RBFOX1: variants seen among roughly 807,000 people sequenced by gnomAD.
The protein encoded by RBFOX1 is RNA binding fox-1 homolog 1.
A neutral mutation model predicts 57.7 loss-of-function variants in RBFOX1; 8 were observed. The observed-to-expected ratio is 0.14, with a 90% confidence interval of 0.08 to 0.25. The LOEUF (loss-of-function observed/expected upper bound fraction) is 0.25, where lower values mean the gene tolerates loss of function less well. Ranked by LOEUF, RBFOX1 falls within the 10% of genes least tolerant of loss-of-function variation. The pLI, the probability that RBFOX1 is intolerant of heterozygous loss-of-function variation, is 1.00. For synonymous variants in RBFOX1, 326 were observed against 222.4 expected (o/e 1.47, Z -4.15); for missense variants, 611 against 548.5 (o/e 1.11, Z -1.14).
chr16:7,630,054 C>T lies in RBFOX1; in HGVS notation c.677-549C>T, dbSNP rs368603061. 1.2e-4 allele frequency among the ~76,000 whole-genome samples: 18 copies of T among 152,258 alleles called. No homozygotes were observed. In the East Asian group the frequency reaches 2.9e-3, roughly 25 times the overall value. On this transcript the variant is annotated intron_variant, in intron 10 of 15. Transcript: ENST00000550418. ...GACATTTGAAGGAAGTTACCGTTTT[C>T]TCTAAACCTATCAACATGTATGCTT...
chr16:6,853,784 T>C (rs749649825), intron 3 of RBFOX1, among the ~76,000 whole-genome samples: 1 of 152,076 alleles, frequency 6.6e-6, no homozygotes, highest in East Asian at 1.9e-4. Flanking sequence ...CTGACCTCAC[T>C]TGAAGAAACC....
intron 2 of RBFOX1, among the ~76,000 whole-genome samples, chr16:5,516,458 C>T (rs1437043824): frequency 3.3e-5 from 5 of 152,330 alleles, no homozygotes; most frequent in East Asian, 3.9e-4. Context: ...CTTGACCTCT[C>T]TAAGTCTTGG....
intron 1 of RBFOX1, among the ~76,000 whole-genome samples, chr16:6,098,139 G>A (rs772681857): frequency 1.4e-4 from 21 of 151,236 alleles, no homozygotes; most frequent in East Asian, 3.9e-4. Context: ...GCTACCCTTC[G>A]TTGCCTGGAG....
At chr16:6,012,944 C>G (rs1490168045) in intron 4 of RBFOX1, among the ~76,000 whole-genome samples, 2 of 152,184 alleles carry the variant, frequency 1.3e-5, no homozygotes, top group Non-Finnish European at 2.9e-5. Flanking sequence ...GAACCTATGA[C>G]AGTTCCTGAA....
In RBFOX1 at chr16:6,564,000, C is replaced by G. The variant is rs574599860; in HGVS notation, c.-63-90603C>G. 7.9e-5 allele frequency among the ~76,000 whole-genome samples: 12 copies of G among 152,164 alleles called. No individual in the cohort carries two copies. The East Asian group carries it at 1.7e-3, about 22-fold the overall frequency. ...GATTTGGAGGGGACAGACATGTAAACTACAGCACCCATGTTGTTTCTGCTT... is the reference window on the plus strand; with the variant it reads ...GATTTGGAGGGGACAGACATGTAAAGTACAGCACCCATGTTGTTTCTGCTT... On this transcript the variant is annotated intron_variant, in intron 2 of 15. Coordinates refer to ENST00000550418, the MANE Select transcript of RBFOX1 (RefSeq NM_018723.4).
chr16:6,761,087 T>G (rs2076535486), intron 3 of RBFOX1, among the ~76,000 whole-genome samples: 1 of 152,236 alleles, frequency 6.6e-6, no homozygotes, highest in Non-Finnish European at 1.5e-5. Flanking sequence ...AGTAGGGGGC[T>G]ATCATTAAAA....
intron 3 of RBFOX1, among the ~76,000 whole-genome samples, chr16:6,909,557 T>C (rs1448872878): frequency 6.6e-6 from 1 of 152,198 alleles, no homozygotes; most frequent in Non-Finnish European, 1.5e-5. Flanking sequence ...CCAGCAAACA[T>C]GCATTCATAT....
At chr16:6,923,668 C>G (rs116890372) in intron 3 of RBFOX1, among the ~76,000 whole-genome samples, 4 of 152,242 alleles carry the variant, frequency 2.6e-5, no homozygotes, top group Admixed American at 6.5e-5. Context: ...TACCCACACA[C>G]CCTTTACTCT....
At chr16:6,819,308 T>G (rs1302944381) in intron 3 of RBFOX1, among the ~76,000 whole-genome samples, 1 of 152,198 alleles carries the variant, frequency 6.6e-6, no homozygotes, top group Non-Finnish European at 1.5e-5. Context: ...AGGTGCTCAC[T>G]TAGGTTTGAA....
At chr16:5,440,465 A>G (rs2068051087) in intron 1 of RBFOX1, among the ~76,000 whole-genome samples, 1 of 152,230 alleles carries the variant, frequency 6.6e-6, no homozygotes, top group Non-Finnish European at 1.5e-5. Flanking sequence ...TCAGCCCAAA[A>G]GGACTAAAGT....
intron 2 of RBFOX1, among the ~76,000 whole-genome samples, chr16:6,517,761 C>T (rs1212618257): frequency 2.0e-5 from 3 of 152,188 alleles, no homozygotes; most frequent in African/African-American, 7.2e-5. Context: ...CACATCCCTT[C>T]ATGGCCAAGA....
intron 4 of RBFOX1, among the ~76,000 whole-genome samples, chr16:7,178,554 C>T (rs1399004401): frequency 6.6e-6 from 1 of 152,158 alleles, no homozygotes; most frequent in Admixed American, 6.5e-5. Context: ...AACCTATCTG[C>T]ATGGTATTTA....
intron 1 of RBFOX1, among the ~76,000 whole-genome samples, chr16:5,317,330 C>A (rs2064269838): frequency 6.6e-6 from 1 of 152,170 alleles, no homozygotes. Flanking sequence ...CATTCCTGGC[C>A]AGGCGCAGTG....
intron 1 of RBFOX1, among the ~76,000 whole-genome samples, chr16:6,162,426 A>G (rs2096886553): frequency 6.6e-6 from 1 of 152,042 alleles, no homozygotes. Flanking sequence ...AGATTTCTGT[A>G]TTTTAACAGG....
intron 3 of RBFOX1, among the ~76,000 whole-genome samples, chr16:6,933,946 T>A (rs538691328): frequency 6.6e-6 from 1 of 152,304 alleles, no homozygotes; most frequent in South Asian, 2.1e-4. Context: ...AACATGGTAT[T>A]GAAAAATCAA....
chr16:6,801,333 G>T (rs1315865355), intron 3 of RBFOX1, among the ~76,000 whole-genome samples: 1 of 152,094 alleles, frequency 6.6e-6, no homozygotes, highest in East Asian at 1.9e-4. Flanking sequence ...ACCATACAAG[G>T]CTCTTGGTAA....
At position 7,073,699 on chromosome 16, in the gene RBFOX1, A is replaced by AG. The variant is rs201162139; in HGVS notation, c.27+21601_27+21602insG. Reference sequence around the variant, plus strand: ...TCTCTACAAAATAATAAAAAAAAATATATACAAAAAAAAATTACACAGGAA... The same window carrying AG: ...TCTCTACAAAATAATAAAAAAAAATAGTATACAAAAAAAAATTACACAGGAA... On this transcript the variant is annotated intron_variant, in intron 4 of 15. Transcript: ENST00000550418. Among the ~76,000 whole-genome samples, 821 of 151,944 alleles carry AG rather than the reference A, an allele frequency of 5.4e-3. 7 individuals carry two copies. The highest frequency in any genetic ancestry group is 0.019 in the African/African-American group (772 of 41,432).
intron 4 of RBFOX1, among the ~76,000 whole-genome samples, chr16:5,952,558 A>G (rs1212893751): frequency 1.3e-5 from 2 of 152,188 alleles, no homozygotes; most frequent in African/African-American, 2.4e-5. Flanking sequence ...AAGTGCTAAG[A>G]TTACAGGCAT....
intron 12 of RBFOX1, among the ~76,000 whole-genome samples, chr16:7,654,608 A>G (rs959086783): frequency 6.6e-6 from 1 of 152,088 alleles, no homozygotes; most frequent in Non-Finnish European, 1.5e-5. Flanking sequence ...TGCCAGGCGA[A>G]TGTCAAGGAA....
Sources: gnomAD v4.1 joint callset for allele counts (sites outside exome capture counted in the v4.1 genomes callset) on GRCh38, gnomAD v4.1.1 for gene constraint, MANE v1.5 for transcripts, NCBI Gene and HGNC (gene_info 2026-07-23, HGNC 2026-07-21) for gene names.